The following ACOXL variants were observed in gnomAD, a reference collection of about 807,000 sequenced individuals.
ACOXL encodes the protein acyl-coenzyme A oxidase-like protein.
A neutral mutation model predicts 71.9 loss-of-function variants in ACOXL; 70 were observed. The ratio of observed to expected loss-of-function variants is 0.97; its 90% confidence interval spans 0.80 to 1.19. The LOEUF is 1.19. Among genes scored for constraint, ACOXL ranks in the 50% most tolerant of loss-of-function variants. ACOXL has a pLI of 0.00. For synonymous variants in ACOXL, 253 were observed against 281.6 expected, an observed-to-expected ratio of 0.90 and a Z score of 1.02; for missense variants, 703 against 736.3, an observed-to-expected ratio of 0.95 and a Z score of 0.52.
chr2:111,110,996 A>T (rs1235321797), intron 17 of ACOXL, among the ~76,000 whole-genome samples: 1 of 152,020 alleles, frequency 6.6e-6, no homozygotes, highest in Admixed American at 6.6e-5. Context: ...TTGCCTCTTG[A>T]AAATTTTTGA....
At chr2:111,079,539 A>G (rs71431143) in intron 16 of ACOXL, among the ~76,000 whole-genome samples, 12,941 of 152,200 alleles carry the variant, frequency 0.085, 651 homozygotes, top group Non-Finnish European at 0.11. Flanking sequence ...CTCATCCTCC[A>G]GCCAGAAAGC....
chr2:111,067,846 GC>G (rs1257958042), intron 16 of ACOXL, among the ~76,000 whole-genome samples: 5 of 152,224 alleles, frequency 3.3e-5, no homozygotes, highest in Non-Finnish European at 7.3e-5. Context: ...GGGGGAAATG[GC>G]CCTGCTTTCA....
intron 10 of ACOXL, among the ~76,000 whole-genome samples, chr2:110,886,348 T>C (rs954075922): frequency 6.6e-6 from 1 of 151,982 alleles, no homozygotes; most frequent in African/African-American, 2.4e-5. Flanking sequence ...CCCACTGGCT[T>C]GGACTCTGGA....
chr2:111,070,708 C>G (rs2067301034), intron 16 of ACOXL, among the ~76,000 whole-genome samples: 1 of 151,952 alleles, frequency 6.6e-6, no homozygotes, highest in Non-Finnish European at 1.5e-5. Context: ...TCCCTTTGTG[C>G]TTGTTGATTT....
At chr2:111,052,270 C>A (rs1245651295) in intron 16 of ACOXL, among the ~76,000 whole-genome samples, 1 of 152,170 alleles carries the variant, frequency 6.6e-6, no homozygotes, top group Admixed American at 6.5e-5. Context: ...TGAGCAAATT[C>A]ATAGAAAATT....
At chr2:110,892,625 G>C (rs1013668680) in intron 10 of ACOXL, among the ~76,000 whole-genome samples, 2 of 152,110 alleles carry the variant, frequency 1.3e-5, no homozygotes, top group African/African-American at 4.8e-5. Context: ...GTGCACTGAA[G>C]ACACATATTC....
chr2:111,047,441 G>A (rs1017604438), intron 15 of ACOXL, among the ~76,000 whole-genome samples: 2 of 152,152 alleles, frequency 1.3e-5, no homozygotes, highest in African/African-American at 4.8e-5. Context: ...ACCTTAAAAA[G>A]GTGATCTAAA....
intron 10 of ACOXL, among the ~76,000 whole-genome samples, chr2:110,849,781 A>AAAG (rs1559342656): frequency 1.7e-3 from 247 of 147,662 alleles, no homozygotes; most frequent in Middle Eastern, 6.9e-3. Flanking sequence ...AACAAACAAA[A>AAAG]AACAGAACTA....
intron 12 of ACOXL, among the ~76,000 whole-genome samples, chr2:110,954,409 T>G (rs946583495): frequency 6.6e-6 from 1 of 152,246 alleles, no homozygotes; most frequent in Non-Finnish European, 1.5e-5. Context: ...TTATCTCTGC[T>G]TGTTTGGACT....
At chr2:110,954,310 AT>A (rs2061425412) in intron 12 of ACOXL, among the ~76,000 whole-genome samples, 1 of 152,072 alleles carries the variant, frequency 6.6e-6, no homozygotes, top group Admixed American at 6.5e-5. Context: ...TGACAATCTC[AT>A]TTTTATCTGT....
intron 11 of ACOXL, among the ~76,000 whole-genome samples, chr2:110,913,518 A>G (rs544249900): frequency 5.7e-4 from 87 of 152,352 alleles, no homozygotes; most frequent in African/African-American, 2.0e-3. Context: ...ATCATGTGGT[A>G]TAATTCCATT....
At chr2:111,041,780 C>T (rs1048659035) in intron 15 of ACOXL, among the ~76,000 whole-genome samples, 2 of 152,202 alleles carry the variant, frequency 1.3e-5, no homozygotes, top group Non-Finnish European at 1.5e-5. Context: ...TGAGCTGTGC[C>T]GTCATCTCTT....
At chr2:111,081,250 A>T (rs184192783) in intron 16 of ACOXL, among the ~76,000 whole-genome samples, 1 of 152,346 alleles carries the variant, frequency 6.6e-6, no homozygotes, top group East Asian at 1.9e-4. Context: ...TGCAGATGAC[A>T]TGATTGTATA....
chr2:111,068,632 T>G (rs1442681936), intron 16 of ACOXL, among the ~76,000 whole-genome samples: 2 of 152,230 alleles, frequency 1.3e-5, no homozygotes, highest in Admixed American at 6.5e-5. Flanking sequence ...AAGTTATTAC[T>G]GGATGGGCTA....
At chr2:111,062,642 A>G (rs2066874812) in intron 16 of ACOXL, among the ~76,000 whole-genome samples, 1 of 152,136 alleles carries the variant, frequency 6.6e-6, no homozygotes, top group South Asian at 2.1e-4. Context: ...AAAATACAAC[A>G]CGTCAAATTG....
At chr2:111,076,143 TTCTG>T (rs1334384630) in intron 16 of ACOXL, among the ~76,000 whole-genome samples, 4 of 152,206 alleles carry the variant, frequency 2.6e-5, no homozygotes, top group African/African-American at 7.2e-5. Flanking sequence ...TCAATCAGCA[TTCTG>T]TCTATCGACT....
chr2:110,920,225 A>G (rs1032608426), intron 11 of ACOXL, among the ~76,000 whole-genome samples: 3 of 152,176 alleles, frequency 2.0e-5, no homozygotes, highest in Non-Finnish European at 2.9e-5. Context: ...CTTGCCAGCC[A>G]TTGTTATTGT....
At chr2:110,991,361 C>G (rs2063163937) in intron 13 of ACOXL, among the ~76,000 whole-genome samples, 1 of 152,128 alleles carries the variant, frequency 6.6e-6, no homozygotes. Context: ...TTTCAAACAA[C>G]TGATTTTTCC....
intron 13 of ACOXL, 46 bp downstream of exon 13, chr2:110,987,263 A>G (rs774708813): frequency 8.6e-6 from 13 of 1,510,548 alleles, no homozygotes; most frequent in Non-Finnish European, 1.2e-5. Context: ...GTGGGTTATC[A>G]TGAAGCCTGA....
Sources: gnomAD v4.1 joint callset for allele counts (sites outside exome capture counted in the v4.1 genomes callset) on GRCh38, gnomAD v4.1.1 for gene constraint, MANE v1.5 for transcripts, NCBI Gene and HGNC (gene_info 2026-07-23, HGNC 2026-07-21) for gene names.